CCSER1: variants seen among roughly 807,000 people sequenced by gnomAD.
CCSER1 encodes the protein coiled-coil serine rich protein 1, also known as serine-rich coiled-coil domain-containing protein 1.
CCSER1 carries 41 observed loss-of-function variants against 82.0 expected under a neutral mutation model. The observed-to-expected ratio is 0.50, with a 90% CI of 0.39 to 0.65. The LOEUF (loss-of-function observed/expected upper bound fraction) is 0.65, where lower values mean the gene tolerates loss of function less well. Ranked by LOEUF, CCSER1 falls within the 30% of genes least tolerant of loss-of-function variation. The pLI, the probability that CCSER1 is intolerant of heterozygous loss-of-function variation, is 0.00. For synonymous variants in CCSER1, 414 were observed against 383.9 expected, an observed-to-expected ratio of 1.08 and a Z score of -0.92; for missense variants, 1,119 against 1,064.2, an observed-to-expected ratio of 1.05 and a Z score of -0.72.
intron 1 of CCSER1, among the ~76,000 whole-genome samples, chr4:90,161,606 CA>C (rs1237004286): frequency 5.3e-5 from 8 of 151,716 alleles, no homozygotes; most frequent in African/African-American, 1.9e-4. Flanking sequence ...TAACTCTTGT[CA>C]TTGTGAATTG....
chr4:90,283,145 A>G (rs1243041674), intron 1 of CCSER1, among the ~76,000 whole-genome samples: 2 of 151,950 alleles, frequency 1.3e-5, no homozygotes, highest in African/African-American at 2.4e-5. Flanking sequence ...GTTACATTAT[A>G]TGTTAAGCAA....
chr4:90,932,328 AT>A (rs1292415106), intron 9 of CCSER1, among the ~76,000 whole-genome samples: 4 of 152,254 alleles, frequency 2.6e-5, no homozygotes, highest in African/African-American at 9.6e-5. Context: ...GGCTTTATAG[AT>A]TTGAATTTAA....
intron 10 of CCSER1, among the ~76,000 whole-genome samples, chr4:91,162,174 A>G (rs537967089): frequency 5.3e-5 from 8 of 152,140 alleles, no homozygotes; most frequent in Non-Finnish European, 1.0e-4. Context: ...CCTTTTCTGC[A>G]TCTACTGAGA....
At chr4:90,494,044 G>C (rs896364730) in intron 5 of CCSER1, among the ~76,000 whole-genome samples, 9 of 152,112 alleles carry the variant, frequency 5.9e-5, no homozygotes, top group Non-Finnish European at 8.8e-5. Context: ...GACACACATA[G>C]GCTCAAAATA....
At chr4:90,245,498 G>A (rs542928744) in intron 1 of CCSER1, among the ~76,000 whole-genome samples, 5 of 152,040 alleles carry the variant, frequency 3.3e-5, no homozygotes, top group Non-Finnish European at 5.9e-5. Flanking sequence ...TGGACTTATC[G>A]CATGCTCTTA....
intron 6 of CCSER1, among the ~76,000 whole-genome samples, chr4:90,713,674 A>G (rs1397133477): frequency 1.3e-5 from 2 of 151,748 alleles, no homozygotes; most frequent in African/African-American, 2.4e-5. Flanking sequence ...CATTTTCTGA[A>G]TTTGAATGTT....
chr4:91,406,861 G>A (rs1431086347), intron 10 of CCSER1, among the ~76,000 whole-genome samples: 1 of 152,010 alleles, frequency 6.6e-6, no homozygotes, highest in Admixed American at 6.6e-5. Flanking sequence ...TTTATTCATA[G>A]TATTGTTAGC....
At chr4:90,841,402 C>A (rs1449292800) in intron 8 of CCSER1, among the ~76,000 whole-genome samples, 2 of 151,662 alleles carry the variant, frequency 1.3e-5, no homozygotes, top group Non-Finnish European at 2.9e-5. Flanking sequence ...CACAATGAAA[C>A]CCCGTCTCTA....
At chr4:90,334,438 T>G (rs1317341998) in intron 3 of CCSER1, among the ~76,000 whole-genome samples, 1 of 152,072 alleles carries the variant, frequency 6.6e-6, no homozygotes, top group Non-Finnish European at 1.5e-5. Context: ...TAAAAAATAC[T>G]TTACATAAAA....
chr4:91,276,584 A>G (rs769791421), intron 10 of CCSER1, among the ~76,000 whole-genome samples: 1 of 152,112 alleles, frequency 6.6e-6, no homozygotes, highest in Non-Finnish European at 1.5e-5. Flanking sequence ...AGATCATGTC[A>G]TCTCCAAACA....
rs1735321864 is a variant in CCSER1 at position 90,689,021 on chromosome 4, A to G, written c.1933-34893A>G. ...TGTTTGAGTTAAAACAGTCTTATGC[A>G]TACTAAATGGACTCTGGCAACATCA... On this transcript the variant is annotated intron_variant, in intron 6 of 10. Coordinates refer to ENST00000509176, the MANE Select transcript of CCSER1 (RefSeq NM_001145065.2). Among the ~76,000 whole-genome samples, 4 of 152,186 alleles carry G rather than the reference A, an allele frequency of 2.6e-5. No homozygotes were observed. In the South Asian group the frequency reaches 8.3e-4, roughly 31 times the overall value.
intron 5 of CCSER1, among the ~76,000 whole-genome samples, chr4:90,583,102 T>A (rs1344378124): frequency 6.6e-6 from 1 of 152,194 alleles, no homozygotes; most frequent in Non-Finnish European, 1.5e-5. Context: ...TACACCACCT[T>A]CTACTCAATG....
chr4:91,043,671 A>G (rs1581409960), intron 9 of CCSER1, among the ~76,000 whole-genome samples: 1 of 142,918 alleles, frequency 7.0e-6, no homozygotes, highest in African/African-American at 2.6e-5. Context: ...GCTCACTGCA[A>G]CCTCCACTTC....
intron 8 of CCSER1, among the ~76,000 whole-genome samples, chr4:90,897,814 C>G (rs945848907): frequency 3.9e-5 from 6 of 151,952 alleles, no homozygotes; most frequent in African/African-American, 1.4e-4. Context: ...TTAATAAAAG[C>G]CATTCTGACT....
At chr4:91,488,086 A>G (rs1232048711) in intron 10 of CCSER1, among the ~76,000 whole-genome samples, 1 of 152,082 alleles carries the variant, frequency 6.6e-6, no homozygotes, top group African/African-American at 2.4e-5. Context: ...CTATCTCAAT[A>G]TGTGCTTCTT....
intron 5 of CCSER1, among the ~76,000 whole-genome samples, chr4:90,531,401 T>C (rs1026615807): frequency 2.6e-5 from 4 of 151,664 alleles, no homozygotes; most frequent in East Asian, 1.9e-4. Flanking sequence ...GGTTTCTTTT[T>C]TTTTTTTTTT....
chr4:90,151,551 T>G (rs1478206270), intron 1 of CCSER1, among the ~76,000 whole-genome samples: 2 of 152,084 alleles, frequency 1.3e-5, no homozygotes, highest in Non-Finnish European at 2.9e-5. Flanking sequence ...ACACCCTTTT[T>G]CTTAATGCTT....
intron 6 of CCSER1, among the ~76,000 whole-genome samples, chr4:90,674,788 C>A (rs1177248169): frequency 2.0e-5 from 3 of 151,642 alleles, no homozygotes; most frequent in Non-Finnish European, 4.4e-5. Context: ...TGCACATTTT[C>A]TGCACATGAG....
At chr4:90,629,218 A>G (rs552638855) in intron 6 of CCSER1, among the ~76,000 whole-genome samples, 44 of 152,340 alleles carry the variant, frequency 2.9e-4, no homozygotes, top group African/African-American at 9.1e-4. Context: ...GGCAGTATAA[A>G]AGAAATGAAT....
Sources: allele counts gnomAD v4.1 joint callset (sites outside exome capture counted in the v4.1 genomes callset), GRCh38; gene constraint gnomAD v4.1.1; transcripts MANE v1.5; gene names NCBI Gene and HGNC (gene_info 2026-07-23, HGNC 2026-07-21).